Variants in MYO3B observed in about 807,000 individuals in gnomAD.
MYO3B encodes myosin IIIB.
A neutral mutation model predicts 174.6 loss-of-function variants in MYO3B; 156 were observed. The ratio of observed to expected loss-of-function variants is 0.89; its 90% CI spans 0.78 to 1.02. MYO3B has a LOEUF of 1.02. Ranked by LOEUF, MYO3B falls within the 50% of genes least tolerant of loss-of-function variation. MYO3B has a pLI of 0.00. For synonymous variants in MYO3B, 563 were observed against 569.1 expected, an observed-to-expected ratio of 0.99 and a Z score of 0.15; for missense variants, 1,632 against 1,639.4, an observed-to-expected ratio of 1.00 and a Z score of 0.08.
chr2:170,620,381 A>AGC (rs1695810323), intron 32 of MYO3B, among the ~76,000 whole-genome samples: 1 of 152,208 alleles, frequency 6.6e-6, no homozygotes, highest in Non-Finnish European at 1.5e-5. Flanking sequence ...CTGGAATGTC[A>AGC]GCTCCTCTTC....
intron 22 of MYO3B, among the ~76,000 whole-genome samples, chr2:170,414,047 T>A (rs1482257321): frequency 6.6e-6 from 1 of 151,926 alleles, no homozygotes; most frequent in Admixed American, 6.6e-5. Flanking sequence ...CTCAAAAAAA[T>A]AAATAAATAA....
chr2:170,618,858 T>C (rs918808913), intron 32 of MYO3B, among the ~76,000 whole-genome samples: 2 of 152,220 alleles, frequency 1.3e-5, no homozygotes, highest in Admixed American at 6.5e-5. Context: ...TACATTTGTA[T>C]GTAGAAGTAC....
At chr2:170,397,551 A>G (rs1297514374) in intron 16 of MYO3B, among the ~76,000 whole-genome samples, 1 of 152,236 alleles carries the variant, frequency 6.6e-6, no homozygotes, top group African/African-American at 2.4e-5. Flanking sequence ...TTTACCATTA[A>G]TGATACATAT....
At chr2:170,580,170 A>G (rs1052509517) in intron 32 of MYO3B, among the ~76,000 whole-genome samples, 3 of 152,146 alleles carry the variant, frequency 2.0e-5, no homozygotes, top group Admixed American at 2.0e-4. Context: ...TCTAATAGTA[A>G]TCATAAAGGC....
At chr2:170,237,887 C>T (rs1396018812) in intron 7 of MYO3B, among the ~76,000 whole-genome samples, 1 of 152,176 alleles carries the variant, frequency 6.6e-6, no homozygotes, top group African/African-American at 2.4e-5. Context: ...GCAATGTCAG[C>T]AATAATCAGT....
At chr2:170,462,264 C>T (rs943890340) in intron 23 of MYO3B, among the ~76,000 whole-genome samples, 1 of 152,212 alleles carries the variant, frequency 6.6e-6, no homozygotes, top group Non-Finnish European at 1.5e-5. Context: ...TGCACTGTCT[C>T]TGATGTCTTC....
intron 7 of MYO3B, among the ~76,000 whole-genome samples, chr2:170,283,580 T>C (rs1353571060): frequency 6.6e-6 from 1 of 152,212 alleles, no homozygotes; most frequent in Non-Finnish European, 1.5e-5. Context: ...TTATGGGACA[T>C]ACCTTTTTGG....
intron 2 of MYO3B, 109 bp downstream of exon 2, chr2:170,199,500 T>C: frequency 1.2e-6 from 1 of 864,246 alleles, no homozygotes; most frequent in South Asian, 2.4e-5. Flanking sequence ...TGGTATGAAA[T>C]CTCAAAATGG....
chr2:170,408,920 C>T (rs2094528128), intron 22 of MYO3B, among the ~76,000 whole-genome samples: 2 of 152,140 alleles, frequency 1.3e-5, no homozygotes, highest in South Asian at 2.1e-4. Context: ...TTCCTTGGAG[C>T]AGCCGGGGTT....
intron 22 of MYO3B, among the ~76,000 whole-genome samples, chr2:170,430,931 G>A (rs1365042953): frequency 6.6e-6 from 1 of 152,094 alleles, no homozygotes; most frequent in Non-Finnish European, 1.5e-5. Context: ...CTTCAGAAGT[G>A]GAAATAGAGA....
At chr2:170,412,765 G>T (rs1241763766) in intron 22 of MYO3B, among the ~76,000 whole-genome samples, 1 of 152,126 alleles carries the variant, frequency 6.6e-6, no homozygotes, top group Non-Finnish European at 1.5e-5. Flanking sequence ...TTAGCAAAAG[G>T]GTCTAGCAGA....
chr2:170,572,023 A>T (rs1692468907), intron 32 of MYO3B, among the ~76,000 whole-genome samples: 1 of 152,190 alleles, frequency 6.6e-6, no homozygotes, highest in Non-Finnish European at 1.5e-5. Flanking sequence ...TCAAAGGTTA[A>T]CACCTCAACC....
At chr2:170,561,229 A>G (rs1188850911) in intron 32 of MYO3B, among the ~76,000 whole-genome samples, 3 of 152,222 alleles carry the variant, frequency 2.0e-5, no homozygotes, top group Non-Finnish European at 4.4e-5. Flanking sequence ...AAGAGTTAGA[A>G]TGGATGCCTC....
chr2:170,449,232 A>G (rs1683442830), intron 23 of MYO3B, among the ~76,000 whole-genome samples: 1 of 152,202 alleles, frequency 6.6e-6, no homozygotes, highest in African/African-American at 2.4e-5. Context: ...GTCAACTTTG[A>G]TTATTTAAAG....
Position 170,400,336 on chromosome 2 carries a change from G to A in MYO3B, c.1918+22G>A, listed in dbSNP as rs748974285. 8 of 1,612,968 alleles carry A rather than the reference G, an allele frequency of 5.0e-6. 1 individual carries two copies. In the East Asian group the frequency reaches 6.7e-5, roughly 13 times the overall value. ...AATGGTAATTATTTGATATTTGTGG[G>A]CTGTGTTGTTGCCAAAGCACGTGCT... On this transcript the variant is annotated intron_variant, in intron 17 of 34. Coordinates refer to ENST00000408978, the MANE Select transcript of MYO3B (RefSeq NM_138995.5).
intron 32 of MYO3B, among the ~76,000 whole-genome samples, chr2:170,650,612 T>C (rs944454545): frequency 6.7e-6 from 1 of 150,034 alleles, no homozygotes; most frequent in Non-Finnish European, 1.5e-5. Context: ...GATTCAGATA[T>C]AGAGCCAAAA....
chr2:170,394,629 G>A (rs2094433961), intron 16 of MYO3B, among the ~76,000 whole-genome samples: 2 of 152,102 alleles, frequency 1.3e-5, no homozygotes, highest in African/African-American at 2.4e-5. Context: ...AGAATGTAAT[G>A]GTGTTATGTG....
intron 28 of MYO3B, among the ~76,000 whole-genome samples, chr2:170,503,489 C>T (rs1220079221): frequency 7.2e-6 from 1 of 138,896 alleles, no homozygotes; most frequent in Non-Finnish European, 1.5e-5. Context: ...GCCTTGCAAG[C>T]ACCCAGCAGG....
Position 170,448,790 on chromosome 2 carries a change from G to GTT in MYO3B, c.2730+4756_2730+4757dup, listed in dbSNP as rs34511693. Among the ~76,000 whole-genome samples, 155 of 148,588 alleles carry GTT rather than the reference G, an allele frequency of 1.0e-3. 1 individual carries two copies. Among genetic ancestry groups the GTT allele is most frequent in the South Asian group, 2.1e-3 (10 of 4,712 alleles). ...AACAACTAACAACAGGTGTGCGATAGTTTTTTTTTTTTTGAAGTATAATTT... is the reference window on the plus strand; with the variant it reads ...AACAACTAACAACAGGTGTGCGATAGTTTTTTTTTTTTTTTGAAGTATAATTT... On this transcript the variant is annotated intron_variant, in intron 23 of 34. Coordinates refer to ENST00000408978, the MANE Select transcript of MYO3B (RefSeq NM_138995.5).
Sources: gnomAD v4.1 joint callset for allele counts (sites outside exome capture counted in the v4.1 genomes callset) on GRCh38, gnomAD v4.1.1 for gene constraint, MANE v1.5 for transcripts, NCBI Gene and HGNC (gene_info 2026-07-23, HGNC 2026-07-21) for gene names.